GRIN3B: variants seen among roughly 807,000 people sequenced by gnomAD.
GRIN3B encodes glutamate ionotropic receptor NMDA type subunit 3B.
A neutral mutation model predicts 66.0 loss-of-function variants in GRIN3B; 77 were observed. The observed-to-expected ratio is 1.17, with a 90% CI of 0.97 to 1.41. The LOEUF (loss-of-function observed/expected upper bound fraction) is 1.41. Among genes scored for constraint, GRIN3B ranks in the 40% most tolerant of loss-of-function variants. The pLI is 0.00. For synonymous variants in GRIN3B, 823 were observed against 749.7 expected (o/e 1.10, Z -1.60); for missense variants, 1,787 against 1,564.5 (o/e 1.14, Z -2.40).
intron 6 of GRIN3B, 39 bp from the exon 7 acceptor site, chr19:1,008,579 T>G (rs1462134591): frequency 6.3e-7 from 1 of 1,579,200 alleles, no homozygotes; most frequent in Non-Finnish European, 8.6e-7. Context: ...GGGCCTGCCA[T>G]TACGTGACCG....
At position 1,007,453 on chromosome 19, in the gene GRIN3B, C is replaced by T. The variant is rs2038763040; in HGVS notation, c.2053-175C>T. ...ACCCTGGACAGTGTGTGTCTAGAGA[C>T]AGCTGTGGTGGTCACGCCTGGGGTG... On this transcript the variant is annotated intron_variant, in intron 3 of 8. Coordinates refer to ENST00000234389, the MANE Select transcript of GRIN3B (RefSeq NM_138690.3). The surrounding 1 kb of genome is among the most constrained non-coding windows in gnomAD (Gnocchi z 4.4). Among the ~76,000 whole-genome samples the T allele has an allele frequency of 6.6e-6, 1 of 152,090 alleles. No homozygotes were observed. Among genetic ancestry groups the T allele is most frequent in the Non-Finnish European group, 1.5e-5 (1 of 67,970 alleles).
intron 1 of GRIN3B, 102 bp from the exon 2 acceptor site, chr19:1,003,028 C>T: frequency 4.0e-6 from 3 of 755,990 alleles, no homozygotes; most frequent in Middle Eastern, 4.0e-4. Context: ...GGAGGTGCAG[C>T]CATCCAGCTG....
Position 1,005,348 on chromosome 19 carries a change from A to G in GRIN3B, c.1847A>G (p.Tyr616Cys). The stretch of plus-strand genomic sequence containing the variant: ...CGCAACCGCAGCACCGTCTTCTCCT[A>G]CTCCTCAGCCCTCAACCTGTGCTAC... ...RGRNRSTVFSYSSALNLCYAI... is the reference protein window; with the variant it reads ...RGRNRSTVFSCSSALNLCYAI... Residue 616 changes from tyrosine to cysteine, a missense_variant, in exon 3 of 9, where the codon TAC (tyrosine) becomes TGC (cysteine). Coordinates refer to ENST00000234389, the MANE Select transcript of GRIN3B (RefSeq NM_138690.3). The surrounding 1 kb of genome is among the most constrained non-coding windows in gnomAD (Gnocchi z 5.2). 6 of 1,613,350 alleles carry G rather than the reference A, an allele frequency of 3.7e-6. No homozygotes were observed. The highest frequency in any genetic ancestry group is 1.7e-6 in the Non-Finnish European group (2 of 1,179,884).
chr19:1,007,781 C>G lies in GRIN3B; in HGVS notation c.2198+8C>G. The G allele has an allele frequency of 6.6e-7, 1 of 1,512,916 alleles. No individual in the cohort carries two copies. Among genetic ancestry groups the G allele is most frequent in the South Asian group, 1.3e-5 (1 of 79,738 alleles). 93.7% of individuals were successfully genotyped at this position (1,512,916 alleles called of 1,614,324 possible). On this transcript the variant is annotated splice_region_variant and intron_variant, in intron 4 of 8. Transcript: ENST00000234389. This position sits in a 1 kb window ranked among gnomAD's most constrained non-coding sequence, Gnocchi z 4.4. ...CGGCGTCGCCATGCTCACGTGAGCC[C>G]GGGCGCGGGGTGAGGCGGGGGCGGG...
chr19:1,007,814 GT>G lies in GRIN3B; in HGVS notation c.2199-41del. 1 of 1,540,800 alleles carries G rather than the reference GT, an allele frequency of 6.5e-7. No individual in the cohort carries two copies. Among genetic ancestry groups the G allele is most frequent in the Non-Finnish European group, 8.7e-7 (1 of 1,142,968 alleles). On this transcript the variant is annotated intron_variant, in intron 4 of 8. Transcript: ENST00000234389. The surrounding 1 kb of genome is among the most constrained non-coding windows in gnomAD (Gnocchi z 4.4). Reference sequence around the variant, plus strand: ...GGGTGAGGCGGGGGCGGGGCGTGGGGTGGGCGGGGCGATGGCTGACCCCCGC... The same window carrying G: ...GGGTGAGGCGGGGGCGGGGCGTGGGGGGGCGGGGCGATGGCTGACCCCCGC...
Position 1,009,376 on chromosome 19 carries a change from C to G in GRIN3B, c.2906C>G (p.Pro969Arg). 7.3e-7 allele frequency: 1 copy of G among 1,372,434 alleles called. No individual in the cohort carries two copies. Among genetic ancestry groups the G allele is most frequent in the South Asian group, 1.6e-5 (1 of 61,744 alleles). The allele number at this position is 1,372,434 out of a possible 1,614,324, so 85.0% of individuals were successfully genotyped here. Reference protein sequence around the residue: ...GPVWLCSYGRPPAARPTGAPQ... With the variant: ...GPVWLCSYGRRPAARPTGAPQ... Reference sequence around the variant, plus strand: ...GTCTGGCTGTGCTCCTACGGCCGCCCGCCCGCCGCAAGGCCCACGGGGGCC... The same window carrying G: ...GTCTGGCTGTGCTCCTACGGCCGCCGGCCCGCCGCAAGGCCCACGGGGGCC... The change falls in exon 9 of 9, where the codon CCG becomes CGG. Residue 969 changes from proline to arginine, a missense_variant. Coordinates refer to ENST00000234389, the MANE Select transcript of GRIN3B (RefSeq NM_138690.3).
intron 1 of GRIN3B, among the ~76,000 whole-genome samples, chr19:1,001,858 G>A (rs909152389): frequency 6.6e-6 from 1 of 152,178 alleles, no homozygotes; most frequent in African/African-American, 2.4e-5. Flanking sequence ...TCCAGGAGCT[G>A]CACCGCCGCA....
At chr19:1,008,959 G>A (rs1375163811) in intron 8 of GRIN3B, 32 bp downstream of exon 8, 1 of 1,574,060 alleles carries the variant, frequency 6.4e-7, no homozygotes. Context: ...CCACGATGCA[G>A]GACCACCCAG....
At position 1,008,678 on chromosome 19, in the gene GRIN3B, GGCAGC is replaced by G; in HGVS notation, c.2530_2534del (p.Leu846GlnfsTer148). 6.2e-7 allele frequency: 1 copy of G among 1,605,886 alleles called. No individual in the cohort carries two copies. Among genetic ancestry groups the G allele is most frequent in the Non-Finnish European group, 8.5e-7 (1 of 1,179,824 alleles). The stretch of plus-strand genomic sequence containing the variant: ...CTTCGTGTTGCTGTGCCTGGGCCTG[GGCAGC>G]GCTCTGCTCAGCTCGCTGGGCGAGC... On this transcript the variant is annotated frameshift_variant, in exon 7 of 9. Transcript: ENST00000234389. LOFTEE classifies it high-confidence loss of function.
At chr19:1,008,438 G>A (rs1240972917) in intron 6 of GRIN3B, 147 bp downstream of exon 6, 1 of 1,034,562 alleles carries the variant, frequency 9.7e-7, no homozygotes, top group Non-Finnish European at 1.4e-6. Flanking sequence ...CAAAACCCCG[G>A]CTGCAGTGCC....
Position 1,004,873 on chromosome 19 carries a change from G to A in GRIN3B, c.1372G>A (p.Ala458Thr), listed in dbSNP as rs61750461. 0.016 allele frequency: 26,306 copies of A among 1,609,892 alleles called. 445 individuals are homozygous for A. The highest frequency in any genetic ancestry group is 0.084 in the African/African-American group (6,287 of 74,886). Residue 458 changes from alanine (A) to threonine (T), a missense_variant, in exon 3 of 9, where the codon GCA becomes ACA. Physicochemically the swap from Ala to Thr is moderately conservative, Grantham distance 58. Coordinates refer to ENST00000234389, the MANE Select transcript of GRIN3B (RefSeq NM_138690.3). ...CACCAACGACTCGGCCACCCTGGACGCACTGTTCGCCGCGCTGGCCAACGG... is the reference window on the plus strand; with the variant it reads ...CACCAACGACTCGGCCACCCTGGACACACTGTTCGCCGCGCTGGCCAACGG... ...PGTNDSATLD[A>T]LFAALANGSA...
chr19:1,009,577 C>G lies in GRIN3B; in HGVS notation c.3107C>G (p.Ser1036Cys), dbSNP rs754149331. The G allele has an allele frequency of 1.1e-6, 1 of 887,734 alleles. No homozygotes were observed. Among genetic ancestry groups the G allele is most frequent in the Non-Finnish European group, 1.5e-6 (1 of 658,842 alleles). 55.0% of individuals were successfully genotyped at this position (887,734 alleles called of 1,614,324 possible). A position where few individuals can be genotyped will look rare whatever the true frequency, so the allele number is the denominator to read the frequency against. Residue 1036 changes from serine (S) to cysteine (C), a missense_variant, in exon 9 of 9, where the codon TCT becomes TGT. Ser to Cys is a moderately radical substitution (Grantham distance 112). Transcript: ENST00000234389. ...GCCCCCGCGGAGGCCCCACCACACT[C>G]TGGCCGACCGGGGAGCCAGGAATGA... is the stretch of plus-strand genomic sequence containing the variant. ...RAAPAEAPPHSGRPGSQE is the reference protein window; with the variant it reads ...RAAPAEAPPHCGRPGSQE
chr19:1,009,582 C>T lies in GRIN3B; in HGVS notation c.3112C>T (p.Arg1038Ter). 6.9e-7 allele frequency: 1 copy of T among 1,442,586 alleles called. No individual in the cohort carries two copies. The allele number at this position is 1,442,586 out of a possible 1,614,324, so 89.4% of individuals were successfully genotyped here. ...CGCGGAGGCCCCACCACACTCTGGC[C>T]GACCGGGGAGCCAGGAATGAGGCGG... ...APAEAPPHSG[R>*]PGSQE Residue 1038 changes from arginine (R) to a stop codon, truncating the protein, a stop_gained, in exon 9 of 9, where the codon CGA becomes TGA. Transcript: ENST00000234389. LOFTEE classifies it low-confidence loss of function (END_TRUNC).
At position 1,007,621 on chromosome 19, in the gene GRIN3B, CG is replaced by C; in HGVS notation, c.2053-6del. ...AGGCAGAGGCGCTGACGGGGTCCCC[CG>C]CGCAGCTGCACCACCCGGCGCAGGG... On this transcript the variant is annotated splice_region_variant and splice_polypyrimidine_tract_variant and intron_variant, in intron 3 of 8. Transcript: ENST00000234389. The surrounding 1 kb of genome is among the most constrained non-coding windows in gnomAD (Gnocchi z 4.4). The C allele has an allele frequency of 6.7e-7, 1 of 1,493,212 alleles. No individual in the cohort carries two copies. Among genetic ancestry groups the C allele is most frequent in the South Asian group, 1.3e-5 (1 of 77,960 alleles). 92.5% of individuals were successfully genotyped at this position (1,493,212 alleles called of 1,614,324 possible).
Position 1,008,881 on chromosome 19 carries a change from G to A in GRIN3B, c.2656G>A (p.Glu886Lys), listed in dbSNP as rs758183016. The change falls in exon 8 of 9, where the codon GAG (glutamate) becomes AAG (lysine). Residue 886 changes from glutamate (E) to lysine (K), a missense_variant. By Grantham distance (56) the Glu-to-Lys change is moderately conservative. Coordinates refer to ENST00000234389, the MANE Select transcript of GRIN3B (RefSeq NM_138690.3). ...SQKIHRALNT[E>K]PPEGSKEETA... ...GAAAATCCACCGCGCCCTCAACACG[G>A]AGCCACCAGAGGGGTCGAAGGAGGA... 5 of 1,610,020 alleles carry A rather than the reference G, an allele frequency of 3.1e-6. No individual in the cohort carries two copies. The highest frequency in any genetic ancestry group is 2.2e-5 in the South Asian group (2 of 90,802).
chr19:1,008,736 G>A lies in GRIN3B; in HGVS notation c.2585G>A (p.Arg862His). ...EHAFFRLALP[R>H]IRKGSRLQYW... ...GCCTTCTTCCGCCTGGCGCTGCCGCGCATCCGCAAGGGGAGCAGGCTGCAG... is the reference window on the plus strand; with the variant it reads ...GCCTTCTTCCGCCTGGCGCTGCCGCACATCCGCAAGGGGAGCAGGCTGCAG... Residue 862 changes from arginine (R) to histidine (H), a missense_variant, in exon 7 of 9, where the codon CGC (arginine) becomes CAC (histidine). By Grantham distance (29) the Arg-to-His change is conservative. Coordinates refer to ENST00000234389, the MANE Select transcript of GRIN3B (RefSeq NM_138690.3). 6.2e-7 allele frequency: 1 copy of A among 1,607,840 alleles called. No homozygotes were observed.
chr19:1,004,619 T>G lies in GRIN3B; in HGVS notation c.1118T>G (p.Leu373Arg). Reference protein sequence around the residue: ...HMSRHFKVWSLRRDPRGAPAW... With the variant: ...HMSRHFKVWSRRRDPRGAPAW... ...TCTCGGCACTTTAAGGTGTGGAGCC[T>G]TCGCCGGGACCCACGGGGCGCCCCG... The change falls in exon 3 of 9, where the codon CTT (leucine) becomes CGT (arginine). Residue 373 changes from leucine (L) to arginine (R), a missense_variant. Coordinates refer to ENST00000234389, the MANE Select transcript of GRIN3B (RefSeq NM_138690.3). The G allele has an allele frequency of 2.5e-6, 4 of 1,603,828 alleles. No individual in the cohort carries two copies. Among genetic ancestry groups the G allele is most frequent in the Non-Finnish European group, 3.4e-6 (4 of 1,175,914 alleles).
At position 1,007,781 on chromosome 19, in the gene GRIN3B, C is replaced by T. The variant is rs761339401; in HGVS notation, c.2198+8C>T. The T allele has an allele frequency of 2.0e-6, 3 of 1,512,808 alleles. No homozygotes were observed. Among genetic ancestry groups the T allele is most frequent in the South Asian group, 2.5e-5 (2 of 79,742 alleles). 93.7% of individuals were successfully genotyped at this position (1,512,808 alleles called of 1,614,324 possible). ...CGGCGTCGCCATGCTCACGTGAGCCCGGGCGCGGGGTGAGGCGGGGGCGGG... is the reference window on the plus strand; with the variant it reads ...CGGCGTCGCCATGCTCACGTGAGCCTGGGCGCGGGGTGAGGCGGGGGCGGG... On this transcript the variant is annotated splice_region_variant and intron_variant, in intron 4 of 8. Coordinates refer to ENST00000234389, the MANE Select transcript of GRIN3B (RefSeq NM_138690.3). The surrounding 1 kb of genome is among the most constrained non-coding windows in gnomAD (Gnocchi z 4.4).
In GRIN3B at chr19:1,000,492, T is replaced by C; in HGVS notation, c.55T>C (p.Ser19Pro). 8.3e-7 allele frequency: 1 copy of C among 1,203,578 alleles called. No homozygotes were observed. The highest frequency in any genetic ancestry group is 3.4e-5 in the East Asian group (1 of 29,450). The allele number at this position is 1,203,578 out of a possible 1,614,324, so 74.6% of individuals were successfully genotyped here. The change falls in exon 1 of 9, where the codon TCC (serine) becomes CCC (proline). Residue 19 changes from serine (S) to proline (P), a missense_variant. Physicochemically the swap from Ser to Pro is moderately conservative, Grantham distance 74. Transcript: ENST00000234389. Reference sequence around the variant, plus strand: ...CCTGGCGCTGGCGCTGGGGCCGGGGTCCGCGGGGGGCCACCCTCAGCCGTG... The same window carrying C: ...CCTGGCGCTGGCGCTGGGGCCGGGGCCCGCGGGGGGCCACCCTCAGCCGTG... ...LGLALALGPG[S>P]AGGHPQPCGV...
Sources: gnomAD v4.1 joint callset for allele counts (sites outside exome capture counted in the v4.1 genomes callset) on GRCh38, gnomAD v4.1.1 for gene constraint, Gnocchi (gnomAD v3.1) non-coding constraint, MANE v1.5 for transcripts, NCBI Gene and HGNC (gene_info 2026-07-23, HGNC 2026-07-21) for gene names.